The following BRCA1 variants were observed in gnomAD, a reference collection of about 807,000 sequenced individuals.
BRCA1 encodes the protein breast cancer type 1 susceptibility protein.
Under a neutral mutation model 173.7 loss-of-function variants are expected in BRCA1, and 140 were observed. The observed-to-expected ratio is 0.81, with a 90% CI of 0.70 to 0.93. The LOEUF (loss-of-function observed/expected upper bound fraction) is 0.93, where lower values mean the gene tolerates loss of function less well. Ranked by LOEUF, BRCA1 falls within the 40% of genes least tolerant of loss-of-function variation. The pLI is 0.00. For synonymous variants in BRCA1, 662 were observed against 756.0 expected (o/e 0.88, Z 2.04); for missense variants, 1,983 against 2,172.5 (o/e 0.91, Z 1.73).
intron 1 of BRCA1, among the ~76,000 whole-genome samples, chr17:43,134,006 C>A (rs576036647): frequency 6.6e-6 from 1 of 152,208 alleles, no homozygotes; most frequent in Admixed American, 6.5e-5. Flanking sequence ...GTATTTCTAT[C>A]TGCTGGCCAC....
intron 2 of BRCA1, among the ~76,000 whole-genome samples, chr17:43,120,107 A>G (rs2055476641): frequency 6.6e-6 from 1 of 152,246 alleles, no homozygotes; most frequent in Admixed American, 6.5e-5. Context: ...GACTGGAAAA[A>G]GCAGCTAGGT....
intron 18 of BRCA1, among the ~76,000 whole-genome samples, chr17:43,062,512 T>C (rs183369379): frequency 6.6e-6 from 1 of 152,346 alleles, no homozygotes; most frequent in Non-Finnish European, 1.5e-5. Context: ...ATAAAACTCC[T>C]TTTCCTTTCT....
intron 1 of BRCA1, chr17:43,167,988 G>A (rs2056279218): frequency 5.4e-6 from 1 of 186,476 alleles, no homozygotes; most frequent in African/African-American, 2.4e-5. Flanking sequence ...CAGAGTGGAT[G>A]GAGAACAAGG....
At chr17:43,046,530 T>C (rs8176315) in intron 22 of BRCA1, among the ~76,000 whole-genome samples, 14 of 151,884 alleles carry the variant, frequency 9.2e-5, no homozygotes, top group Non-Finnish European at 1.3e-4. Flanking sequence ...CCCAAGTAGC[T>C]GGGACTACAA....
At chr17:43,111,320 GAC>G (rs1045441825) in intron 3 of BRCA1, among the ~76,000 whole-genome samples, 2 of 151,776 alleles carry the variant, frequency 1.3e-5, no homozygotes, top group Non-Finnish European at 2.9e-5. Flanking sequence ...AGGAGTTTTG[GAC>G]CAGCCTGGCC....
upstream of BRCA1, among the ~76,000 whole-genome samples, chr17:43,126,567 A>G (rs1286047695): frequency 2.0e-5 from 3 of 152,236 alleles, no homozygotes; most frequent in Non-Finnish European, 2.9e-5. Context: ...GTGTCTCCGG[A>G]CAGCTAATCG....
rs1228972723 is a variant in BRCA1, at chr17:43,092,403, T to C, written c.3128A>G (p.Asn1043Ser). Residue 1043 changes from asparagine (N) to serine (S), a missense_variant, in exon 10 of 23, where the codon AAT (asparagine) becomes AGT (serine). Physicochemically the swap from Asn to Ser is conservative, Grantham distance 46. Transcript: ENST00000357654. ...AGTACTGGAACCTACTTCATTAATATTGCTTGAGCTGGCTTCTTTAAAAAC... is the reference window on the plus strand; with the variant it reads ...AGTACTGGAACCTACTTCATTAATACTGCTTGAGCTGGCTTCTTTAAAAAC... ...ENVFKEASSS[N>S]INEVGSSTNE... is the part of the protein sequence containing the mutation. 1.2e-6 allele frequency: 2 copies of C among 1,613,944 alleles called. No homozygotes were observed. The highest frequency in any genetic ancestry group is 2.2e-5 in the East Asian group (1 of 44,866).
chr17:43,121,833 A>T (rs1277553468), intron 2 of BRCA1, among the ~76,000 whole-genome samples: 1 of 152,192 alleles, frequency 6.6e-6, no homozygotes, highest in Non-Finnish European at 1.5e-5. Flanking sequence ...TGAGTTTTTA[A>T]TTGATGGTTT....
rs1356169081 is a variant in BRCA1 at position 43,057,043 on chromosome 17, G to C, written c.5277+9C>G. On this transcript the variant is annotated intron_variant, in intron 19 of 22. Coordinates refer to ENST00000357654, the MANE Select transcript of BRCA1 (RefSeq NM_007294.4). ...GAGATTTTTGTCAACTTGAGGGAGG[G>C]AGCTTTACCTTTCTGTCCTGGGATT... 1.9e-6 allele frequency: 3 copies of C among 1,613,704 alleles called. No individual in the cohort carries two copies. The highest frequency in any genetic ancestry group is 2.5e-6 in the Non-Finnish European group (3 of 1,179,770).
At chr17:43,120,920 C>G (rs1263278179) in intron 2 of BRCA1, among the ~76,000 whole-genome samples, 1 of 151,656 alleles carries the variant, frequency 6.6e-6, no homozygotes, top group African/African-American at 2.4e-5. Context: ...CAAAATTAGC[C>G]GGCCACGGTG....
intron 1 of BRCA1, chr17:43,160,964 C>T (rs2056232429): frequency 6.6e-6 from 1 of 152,168 alleles, no homozygotes; most frequent in South Asian, 2.1e-4. Context: ...CCTCCTAGCG[C>T]TGGGAACCAT....
chr17:43,127,048 G>A (rs1379160553), upstream of BRCA1, among the ~76,000 whole-genome samples: 2 of 152,194 alleles, frequency 1.3e-5, no homozygotes, highest in African/African-American at 2.4e-5. Flanking sequence ...GGCCCCAGCC[G>A]CCCTGCACAG....
intron 3 of BRCA1, among the ~76,000 whole-genome samples, chr17:43,114,133 T>C (rs2055160062): frequency 6.6e-6 from 1 of 151,798 alleles, no homozygotes; most frequent in South Asian, 2.1e-4. Flanking sequence ...AGTGGTGTGA[T>C]CATAGCTCAC....
At chr17:43,140,196 T>C (rs1031124758) in intron 1 of BRCA1, 3 of 286,026 alleles carry the variant, frequency 1.0e-5, no homozygotes, top group African/African-American at 4.4e-5. Flanking sequence ...GGCGAACACA[T>C]CCATGTGCCG....
intron 16 of BRCA1, among the ~76,000 whole-genome samples, chr17:43,065,268 G>A (rs1448290619): frequency 6.6e-6 from 1 of 152,116 alleles, no homozygotes; most frequent in Non-Finnish European, 1.5e-5. Context: ...CTCTGACCCT[G>A]TGGTATAATT....
chr17:43,078,310 C>G (rs2052835364), intron 12 of BRCA1, among the ~76,000 whole-genome samples: 1 of 152,110 alleles, frequency 6.6e-6, no homozygotes. Context: ...GTCTTAAACT[C>G]CTGACCTCAG....
chr17:43,091,575 C>T lies in BRCA1; in HGVS notation c.3956G>A (p.Gly1319Asp), dbSNP rs587782634. Residue 1319 changes from glycine to aspartate, a missense_variant, in exon 10 of 23, where the codon GGT becomes GAT. Coordinates refer to ENST00000357654, the MANE Select transcript of BRCA1 (RefSeq NM_007294.4). ...CTGATGCCTCATTTGTTTGGAAGAA[C>T]CAATCAAGAAAGGATCCTGGGTGTT... ...NTNTQDPFLI[G>D]SSKQMRHQSE... 1 of 1,614,054 alleles carries T rather than the reference C, an allele frequency of 6.2e-7. No individual in the cohort carries two copies. The highest frequency in any genetic ancestry group is 1.3e-5 in the African/African-American group (1 of 74,920).
At chr17:43,088,480 C>T (rs2053316297) in intron 11 of BRCA1, among the ~76,000 whole-genome samples, 1 of 151,716 alleles carries the variant, frequency 6.6e-6, no homozygotes, top group Non-Finnish European at 1.5e-5. Flanking sequence ...AAGCATATAA[C>T]ATGTGTCCTT....
chr17:43,124,747 T>TTTTTG (rs572878542), intron 1 of BRCA1: 268 of 199,418 alleles, frequency 1.3e-3, no homozygotes, highest in Admixed American at 3.1e-3. Flanking sequence ...CAGCCGGTGT[T>TTTTTG]TTTTGTTTTG....
Sources: gnomAD v4.1 joint callset for allele counts (sites outside exome capture counted in the v4.1 genomes callset) on GRCh38, gnomAD v4.1.1 for gene constraint, MANE v1.5 for transcripts, NCBI Gene and HGNC (gene_info 2026-07-23, HGNC 2026-07-21) for gene names.